NBPF12: variants seen among roughly 807,000 people sequenced by gnomAD.
The protein encoded by NBPF12 is NBPF member 12, also known as NBPF family member NBPF12.
Under a neutral mutation model 146.4 loss-of-function variants are expected in NBPF12, and 115 were observed. That is an observed-to-expected ratio of 0.79 (90% CI 0.68 to 0.92). NBPF12 has a LOEUF of 0.92. NBPF12 is among the 40% of genes least tolerant of loss of function. The pLI is 0.00. For missense variants in NBPF12, 1,205 were observed against 1,326.8 expected (o/e 0.91, Z 1.43); for synonymous variants, 385 against 508.9 (o/e 0.76, Z 3.28).
At chr1:146,951,188 C>G (rs1374224198) in intron 1 of NBPF12, among the ~76,000 whole-genome samples, 160 bp from the exon 5 acceptor site, 1 of 152,080 alleles carries the variant, frequency 6.6e-6, no homozygotes, top group Non-Finnish European at 1.5e-5. Flanking sequence ...GGAGTTTAAT[C>G]ATATAAAGAA....
intron 2 of NBPF12, 88 bp downstream of exon 5, chr1:146,951,577 T>C: frequency 2.0e-6 from 1 of 496,026 alleles, no homozygotes; most frequent in East Asian, 3.7e-5. Context: ...TTCTCTCTAA[T>C]CTAGCCCATA....
chr1:146,970,695 A>C lies in NBPF12; in HGVS notation c.1355A>C (p.Lys452Thr). Residue 452 changes from lysine (K) to threonine (T), a missense_variant, in exon 12 of 34, where the codon AAA (lysine) becomes ACA (threonine). This residue lies in a region of NBPF12 where 278 missense variants were observed against 203.1 expected (regional missense o/e 1.37). Transcript: ENST00000617844. ...GATGTTCAAGTTGAGGAGGATGAGA[A>C]AGTGCTGGAATCATCTTCCCCCAGG... 2.1e-6 allele frequency: 3 copies of C among 1,400,238 alleles called. No individual in the cohort carries two copies. In the South Asian group the frequency reaches 3.5e-5, roughly 16 times the overall value. 86.7% of individuals were successfully genotyped at this position (1,400,238 alleles called of 1,614,324 possible).
intron 31 of NBPF12, among the ~76,000 whole-genome samples, chr1:146,992,458 CTCTCTGTGTGTGTGTG>C (rs1658240526): frequency 6.0e-5 from 6 of 99,594 alleles, no homozygotes; most frequent in Admixed American, 3.6e-4. Flanking sequence ...CTCTCTCTCT[CTCTCTGTGTGTGTGTG>C]TGTGTGTGTG....
At chr1:146,967,634 TAGC>T (rs1381609017) in intron 9 of NBPF12, among the ~76,000 whole-genome samples, 5 of 150,360 alleles carry the variant, frequency 3.3e-5, no homozygotes, top group South Asian at 2.1e-4. Context: ...TGTGTGGAGG[TAGC>T]AGTGCAGTGT....
In NBPF12 at chr1:146,966,571, C is replaced by T. The variant is rs1194973724; in HGVS notation, c.886C>T (p.Arg296Cys). ...CATTCTAGAAATCAATGAGAAGTTG[C>T]GCCCCCAGCTGGCAGAGAAGAAACA... The change falls in exon 9 of 34, where the codon CGC becomes TGC. Residue 296 changes from arginine to cysteine, a missense_variant. Arg to Cys is a radical substitution (Grantham distance 180). Around this residue, in one of 16 missense-constraint regions of NBPF12, gnomAD observed 325 missense variants for 236.6 expected, o/e 1.37. Coordinates refer to ENST00000617844, the Ensembl canonical transcript of NBPF12. 1.4e-5 allele frequency: 19 copies of T among 1,392,724 alleles called. No homozygotes were observed. In the East Asian group the frequency reaches 2.1e-4, roughly 15 times the overall value. 86.3% of individuals were successfully genotyped at this position (1,392,724 alleles called of 1,614,324 possible). A position where few individuals can be genotyped will look rare whatever the true frequency, so the allele number is the denominator to read the frequency against.
intron 23 of NBPF12, among the ~76,000 whole-genome samples, chr1:146,986,060 C>G (rs1268603266): frequency 0.045 from 6,906 of 151,796 alleles, 956 homozygotes; most frequent in African/African-American, 0.16. Context: ...CACTGTGTGT[C>G]CCGAGGGCAC....
chr1:146,944,779 T>G (rs1287802883), upstream of NBPF12, among the ~76,000 whole-genome samples: 3 of 151,540 alleles, frequency 2.0e-5, no homozygotes, highest in Non-Finnish European at 4.4e-5. Flanking sequence ...TCATGTAAAT[T>G]TGTTCATTTC....
chr1:146,942,442 A>G (rs1654849251), intron 1 of NBPF12, among the ~76,000 whole-genome samples: 1 of 151,542 alleles, frequency 6.6e-6, no homozygotes, highest in African/African-American at 2.4e-5. Flanking sequence ...GAAATTAGAG[A>G]TTTTGTTTCT....
chr1:146,978,364 A>T (rs1160659450), intron 18 of NBPF12, among the ~76,000 whole-genome samples: 4 of 143,056 alleles, frequency 2.8e-5, no homozygotes, highest in Non-Finnish European at 6.0e-5. Context: ...TCCCAGATTC[A>T]AGTGATTCTC....
In NBPF12 at chr1:146,964,575, G is replaced by T. The variant is rs1288048621; in HGVS notation, c.566+146G>T. ...AAATTCAACCCAGCTTAGACACAGG[G>T]TGCGACAGCTGTCATGTTTCTCTAT... is the stretch of plus-strand genomic sequence containing the variant. On this transcript the variant is annotated intron_variant, in intron 7 of 33. Transcript: ENST00000617844. The T allele has an allele frequency of 3.6e-5, 49 of 1,343,546 alleles. 2 individuals are homozygous for T. In the African/African-American group the frequency reaches 5.9e-4, roughly 16 times the overall value. The allele number at this position is 1,343,546 out of a possible 1,614,324, so 83.2% of individuals were successfully genotyped here.
At chr1:146,960,293 C>T (rs1655769551) in exon 4 of NBPF12, 10 of 1,334,550 alleles carry the variant, frequency 7.5e-6, no homozygotes, top group African/African-American at 1.4e-5. Context: ...TGGCCGGCTT[C>T]CTGGCCAACC....
At chr1:146,966,128 A>G (rs1366246013) in intron 8 of NBPF12, among the ~76,000 whole-genome samples, 4,181 of 152,010 alleles carry the variant, frequency 0.028, 104 homozygotes, top group African/African-American at 0.041. Flanking sequence ...AAAAAACCAA[A>G]AAAGAAAAAA....
At chr1:146,952,354 C>T (rs1251673841) in intron 2 of NBPF12, among the ~76,000 whole-genome samples, 7 of 152,096 alleles carry the variant, frequency 4.6e-5, no homozygotes, top group South Asian at 4.1e-4. Context: ...CTCTTCTATT[C>T]TCTTGCATCG....
At position 146,984,795 on chromosome 1, in the gene NBPF12, T is replaced by C. The variant is rs1248431665; in HGVS notation, c.2667-18T>C. The C allele has an allele frequency of 1.6e-4, 223 of 1,378,508 alleles. No homozygotes were observed. The Middle Eastern group carries it at 2.9e-3, about 18-fold the overall frequency. 85.4% of individuals were successfully genotyped at this position (1,378,508 alleles called of 1,614,324 possible). ...TGATTCCCCCTGGCTTATTCTTTAC[T>C]TTTTCCCACTTTTCCAGGCTCAGCA... On this transcript the variant is annotated intron_variant, in intron 21 of 33. Coordinates refer to ENST00000617844, the Ensembl canonical transcript of NBPF12.
intron 1 of NBPF12, among the ~76,000 whole-genome samples, chr1:146,942,322 T>C (rs1246447500): frequency 3.3e-5 from 5 of 150,218 alleles, no homozygotes; most frequent in Non-Finnish European, 7.4e-5. Flanking sequence ...ATTTTTCTAA[T>C]TTAAAACAGG....
chr1:146,972,654 G>T (rs1656729532), intron 13 of NBPF12, 97 bp from the exon 17 acceptor site: 4 of 1,050,752 alleles, frequency 3.8e-6, no homozygotes, highest in Non-Finnish European at 6.0e-6. Flanking sequence ...CTTCAAATAA[G>T]TAGACAAGGC....
At chr1:146,968,629 A>G (rs1191140174) in intron 10 of NBPF12, 79 bp downstream of exon 13, 2 of 1,338,252 alleles carry the variant, frequency 1.5e-6, no homozygotes, top group African/African-American at 1.5e-5. Flanking sequence ...GGGAGACTTA[A>G]GAGCTAAGCT....
intron 27 of NBPF12, among the ~76,000 whole-genome samples, chr1:146,989,353 T>C (rs1657998708): frequency 6.8e-6 from 1 of 147,808 alleles, no homozygotes; most frequent in South Asian, 2.1e-4. Context: ...TCTGTCTCTG[T>C]CTCTGTCTCT....
rs1216520542 is a variant in NBPF12, at chr1:146,968,716, T to C, written c.1091+166T>C. Among the ~76,000 whole-genome samples the C allele has an allele frequency of 8.0e-4, 121 of 151,702 alleles. 1 individual carries two copies. The highest frequency in any genetic ancestry group is 2.7e-3 in the African/African-American group (112 of 41,136). On this transcript the variant is annotated intron_variant, in intron 10 of 33. Transcript: ENST00000617844. ...TTTATCAAACAGAGAAGAAGGATAATAAAAATTTATGGGTTGCAGTTGTTT... is the reference window on the plus strand; with the variant it reads ...TTTATCAAACAGAGAAGAAGGATAACAAAAATTTATGGGTTGCAGTTGTTT...
Sources: gnomAD v4.1 joint callset for allele counts (sites outside exome capture counted in the v4.1 genomes callset) on GRCh38, gnomAD v4.1.1 for gene constraint, gnomAD v4.1.1 regional missense constraint, MANE v1.5 for transcripts, NCBI Gene and HGNC (gene_info 2026-07-23, HGNC 2026-07-21) for gene names.